Variants in THSD7A observed in about 807,000 individuals in gnomAD.
THSD7A encodes the protein thrombospondin type 1 domain containing 7A.
Under a neutral mutation model 231.3 loss-of-function variants are expected in THSD7A, and 96 were observed. That is an observed-to-expected ratio of 0.41 (90% CI 0.35 to 0.49). The LOEUF (loss-of-function observed/expected upper bound fraction) is 0.49. Ranked by LOEUF, THSD7A falls within the 20% of genes least tolerant of loss-of-function variation. The pLI, the probability that THSD7A is intolerant of heterozygous loss-of-function variation, is 0.05. For missense variants in THSD7A, 2,290 were observed against 2,070.2 expected, an observed-to-expected ratio of 1.11 and a Z score of -2.06; for synonymous variants, 940 against 743.3, an observed-to-expected ratio of 1.26 and a Z score of -4.30.
At chr7:11,556,439 G>A (rs766801485) in intron 4 of THSD7A, among the ~76,000 whole-genome samples, 11 of 151,502 alleles carry the variant, frequency 7.3e-5, no homozygotes, top group Non-Finnish European at 1.0e-4. Context: ...TAAATATATC[G>A]TCTACGTATT....
At chr7:11,802,475 G>A (rs1247602018) in intron 1 of THSD7A, among the ~76,000 whole-genome samples, 1 of 152,062 alleles carries the variant, frequency 6.6e-6, no homozygotes, top group African/African-American at 2.4e-5. Context: ...GCCAAGGAGG[G>A]ACATGGTAAG....
chr7:11,577,390 C>T (rs1350450013), intron 4 of THSD7A, among the ~76,000 whole-genome samples: 50 of 152,248 alleles, frequency 3.3e-4, no homozygotes, highest in Non-Finnish European at 2.9e-5. Context: ...GATCTTGGCT[C>T]ATTGCAACCT....
At chr7:11,747,355 A>G (rs1034356576) in intron 1 of THSD7A, among the ~76,000 whole-genome samples, 12 of 151,932 alleles carry the variant, frequency 7.9e-5, no homozygotes, top group Non-Finnish European at 1.2e-4. Flanking sequence ...GAGTTTACTT[A>G]CAATTCTACG....
intron 23 of THSD7A, among the ~76,000 whole-genome samples, chr7:11,395,640 G>A (rs1783155576): frequency 6.6e-6 from 1 of 150,958 alleles, no homozygotes; most frequent in South Asian, 2.1e-4. Flanking sequence ...TGATTCTCCT[G>A]CCTCAGCCTC....
intron 1 of THSD7A, among the ~76,000 whole-genome samples, chr7:11,740,434 A>G (rs1583244645): frequency 6.6e-6 from 1 of 151,972 alleles, no homozygotes. Flanking sequence ...TCTGTAACAC[A>G]ATTCGGATCT....
At chr7:11,802,352 T>C (rs1784299728) in intron 1 of THSD7A, among the ~76,000 whole-genome samples, 1 of 152,150 alleles carries the variant, frequency 6.6e-6, no homozygotes, top group Admixed American at 6.6e-5. Flanking sequence ...TTTTTATTAT[T>C]TTCTCATGTG....
intron 1 of THSD7A, among the ~76,000 whole-genome samples, chr7:11,715,433 T>C (rs918824062): frequency 1.3e-5 from 2 of 151,490 alleles, no homozygotes; most frequent in Non-Finnish European, 3.0e-5. Context: ...TGCCTCTCTT[T>C]CTAAATGGTT....
chr7:11,604,042 CA>C (rs201904744), intron 2 of THSD7A, among the ~76,000 whole-genome samples: 5,249 of 142,632 alleles, frequency 0.037, 111 homozygotes, highest in Middle Eastern at 0.067. Flanking sequence ...AAAAAAATGC[CA>C]AAAAAAAAAG....
chr7:11,525,299 A>G (rs1314352157), intron 6 of THSD7A, among the ~76,000 whole-genome samples: 2 of 152,146 alleles, frequency 1.3e-5, no homozygotes, highest in Admixed American at 6.6e-5. Flanking sequence ...AATATTATAA[A>G]TGAACATATT....
intron 2 of THSD7A, among the ~76,000 whole-genome samples, chr7:11,600,672 A>C (rs1431870682): frequency 2.0e-5 from 3 of 152,206 alleles, no homozygotes; most frequent in African/African-American, 7.2e-5. Context: ...CTCGCCATGA[A>C]GAGCCATCTG....
rs1006998473 is a variant in THSD7A, at chr7:11,571,813, T to C, written c.1453+18647A>G. On this transcript the variant is annotated intron_variant, in intron 4 of 27. Coordinates refer to ENST00000423059, the MANE Select transcript of THSD7A (RefSeq NM_015204.3). The stretch of plus-strand genomic sequence containing the variant: ...ATGTATGTATTGTATCTTTTTTTTT[T>C]CCTCTGGCTGCTTTAAAATTTTCTC... 4.6e-5 allele frequency among the ~76,000 whole-genome samples: 7 copies of C among 152,162 alleles called. 2 individuals are homozygous for C. The highest frequency in any genetic ancestry group is 6.5e-5 in the Admixed American group (1 of 15,290).
At chr7:11,707,571 G>T (rs1036006674) in intron 1 of THSD7A, among the ~76,000 whole-genome samples, 2 of 150,904 alleles carry the variant, frequency 1.3e-5, no homozygotes, top group African/African-American at 4.8e-5. Context: ...CAAAACCTTG[G>T]ATGTGTGTGC....
rs1471614551 is a variant in THSD7A at position 11,444,848 on chromosome 7, C to CTA, written c.3064+1211_3064+1212dup. Among the ~76,000 whole-genome samples the CTA allele has an allele frequency of 2.8e-5, 4 of 145,286 alleles. No individual in the cohort carries two copies. The East Asian group carries it at 7.9e-4, about 29-fold the overall frequency. On this transcript the variant is annotated intron_variant, in intron 13 of 27. Transcript: ENST00000423059. This position sits in a 1 kb window ranked among gnomAD's most constrained non-coding sequence, Gnocchi z 4.2. ...TAATTAAACTATATATATAATTAAA[C>CTA]TATATATATAAAACTATCATTATAT...
intron 1 of THSD7A, among the ~76,000 whole-genome samples, chr7:11,669,320 A>T (rs977964964): frequency 6.6e-6 from 1 of 151,970 alleles, no homozygotes; most frequent in Non-Finnish European, 1.5e-5. Flanking sequence ...TTTTTTTCGG[A>T]CATCAATATT....
intron 1 of THSD7A, among the ~76,000 whole-genome samples, chr7:11,712,546 T>G (rs1429919045): frequency 6.6e-6 from 1 of 151,074 alleles, no homozygotes; most frequent in Non-Finnish European, 1.5e-5. Context: ...CTTTAAATAT[T>G]TTCCACCAAA....
intron 7 of THSD7A, 89 bp downstream of exon 7, chr7:11,481,699 A>C (rs994923401): frequency 1.5e-6 from 2 of 1,336,004 alleles, no homozygotes. Context: ...GTTGACTTTC[A>C]TAGAATATCA....
chr7:11,704,810 G>T (rs968042375), intron 1 of THSD7A, among the ~76,000 whole-genome samples: 2 of 150,994 alleles, frequency 1.3e-5, no homozygotes, highest in African/African-American at 4.8e-5. Context: ...TAGCTTCTGA[G>T]ACATTTTAGG....
intron 1 of THSD7A, among the ~76,000 whole-genome samples, chr7:11,680,728 TAAG>T (rs1395228542): frequency 6.6e-6 from 1 of 152,024 alleles, no homozygotes; most frequent in Non-Finnish European, 1.5e-5. Context: ...TGTGGAGAAA[TAAG>T]AATGCTTTTA....
intron 23 of THSD7A, among the ~76,000 whole-genome samples, chr7:11,401,129 A>T (rs954520042): frequency 3.3e-5 from 5 of 152,112 alleles, no homozygotes; most frequent in African/African-American, 1.2e-4. Context: ...GTAAAATCTC[A>T]CACTTTGCTG....
Sources: allele counts gnomAD v4.1 joint callset (sites outside exome capture counted in the v4.1 genomes callset), GRCh38; gene constraint gnomAD v4.1.1; non-coding constraint Gnocchi (gnomAD v3.1); transcripts MANE v1.5; gene names NCBI Gene and HGNC (gene_info 2026-07-23, HGNC 2026-07-21).